RIC8B: variants seen among roughly 807,000 people sequenced by gnomAD.
RIC8B encodes the protein RIC8 guanine nucleotide exchange factor B.
In RIC8B, 16 loss-of-function variants were observed where a neutral mutation model predicts 57.5. The observed-to-expected ratio is 0.28, with a 90% CI of 0.19 to 0.42. The LOEUF (loss-of-function observed/expected upper bound fraction) is 0.42. Among genes scored for constraint, RIC8B ranks in the 10% least tolerant of loss-of-function variants. The pLI is 1.00. For synonymous variants in RIC8B, 216 were observed against 250.8 expected (o/e 0.86, Z 1.31); for missense variants, 481 against 677.0 (o/e 0.71, Z 3.21).
At chr12:106,778,191 C>T (rs1036204155) in intron 1 of RIC8B, among the ~76,000 whole-genome samples, 3 of 152,152 alleles carry the variant, frequency 2.0e-5, no homozygotes, top group African/African-American at 7.2e-5. Context: ...CCATTCTTCC[C>T]CTTCTTTTTC....
intron 3 of RIC8B, among the ~76,000 whole-genome samples, chr12:106,824,593 G>A (rs144661196): frequency 1.3e-5 from 2 of 152,164 alleles, no homozygotes; most frequent in Admixed American, 6.5e-5. Flanking sequence ...ACTTGAAATC[G>A]ATGATATATT....
chr12:106,846,489 G>A (rs986092107), intron 6 of RIC8B, among the ~76,000 whole-genome samples: 1 of 152,102 alleles, frequency 6.6e-6, no homozygotes, highest in African/African-American at 2.4e-5. Context: ...GGAATTTACA[G>A]TCTGTTGAAA....
At chr12:106,854,422 A>G (rs1566140644) in intron 7 of RIC8B, among the ~76,000 whole-genome samples, 1 of 152,190 alleles carries the variant, frequency 6.6e-6, no homozygotes. Flanking sequence ...ACCTTGATCA[A>G]GGCTCAAAGG....
intron 1 of RIC8B, among the ~76,000 whole-genome samples, chr12:106,777,892 G>A (rs1187938117): frequency 1.3e-5 from 2 of 152,140 alleles, no homozygotes; most frequent in Admixed American, 6.5e-5. Context: ...AGGTGTGGCC[G>A]GAGCACAGGT....
rs563163128 is a variant in RIC8B at position 106,867,193 on chromosome 12, T to C, written c.1452-3630T>C. On this transcript the variant is annotated intron_variant, in intron 8 of 9. Coordinates refer to ENST00000392837, the MANE Select transcript of RIC8B (RefSeq NM_001330145.2). The surrounding 1 kb of genome is among the most constrained non-coding windows in gnomAD (Gnocchi z 4.3). ...GACTTGAAATACAGTTCAGGTTTTATACCTGTGTTCATTTGTCCATACCTT... is the reference window on the plus strand; with the variant it reads ...GACTTGAAATACAGTTCAGGTTTTACACCTGTGTTCATTTGTCCATACCTT... 1.3e-5 allele frequency among the ~76,000 whole-genome samples: 2 copies of C among 152,366 alleles called. No individual in the cohort carries two copies. The highest frequency in any genetic ancestry group is 1.9e-4 in the East Asian group (1 of 5,196).
At chr12:106,774,895 G>T in intron 1 of RIC8B, 66 bp downstream of exon 1, 2 of 1,202,010 alleles carry the variant, frequency 1.7e-6, no homozygotes, top group Admixed American at 2.5e-5. Context: ...CTTGCACATC[G>T]CATCCTTCCC....
intron 2 of RIC8B, among the ~76,000 whole-genome samples, chr12:106,804,584 C>T (rs1396562712): frequency 6.6e-6 from 1 of 152,170 alleles, no homozygotes; most frequent in Admixed American, 6.5e-5. Context: ...GGAATCAAAT[C>T]CAGAGCTTTA....
In RIC8B at chr12:106,871,891, C is replaced by T. The variant is rs2136604850; in HGVS notation, c.1571+949C>T. 2.0e-5 allele frequency among the ~76,000 whole-genome samples: 3 copies of T among 152,280 alleles called. No individual in the cohort carries two copies. In the South Asian group the frequency reaches 6.2e-4, roughly 32 times the overall value. The stretch of plus-strand genomic sequence containing the variant: ...CACAGAAACGAGCAGAGATTAAGGG[C>T]ACAGCAGAGGCTTAGGGGTAGAAAT... On this transcript the variant is annotated intron_variant, in intron 9 of 9. Coordinates refer to ENST00000392837, the MANE Select transcript of RIC8B (RefSeq NM_001330145.2).
chr12:106,885,414 T>A (rs1345891723), intron 9 of RIC8B, among the ~76,000 whole-genome samples: 2 of 152,124 alleles, frequency 1.3e-5, no homozygotes, highest in Non-Finnish European at 2.9e-5. Flanking sequence ...AATCAACATG[T>A]ACTTACATAT....
At chr12:106,842,487 T>C (rs1948994912) in intron 4 of RIC8B, 102 bp from the exon 5 acceptor site, 5 of 878,624 alleles carry the variant, frequency 5.7e-6, no homozygotes. Context: ...AGAAATATTT[T>C]AATTGACTCT....
intron 1 of RIC8B, among the ~76,000 whole-genome samples, chr12:106,778,666 C>A (rs1012938676): frequency 1.3e-5 from 2 of 152,150 alleles, no homozygotes; most frequent in Admixed American, 1.3e-4. Context: ...AAATGGCAGA[C>A]CTGGTCTTCA....
At chr12:106,818,386 G>A (rs879346194) in intron 3 of RIC8B, among the ~76,000 whole-genome samples, 1 of 152,010 alleles carries the variant, frequency 6.6e-6, no homozygotes, top group Non-Finnish European at 1.5e-5. Context: ...GGCTGGTCTT[G>A]AACTCCTGAC....
At chr12:106,806,277 G>A (rs917194716) in intron 2 of RIC8B, among the ~76,000 whole-genome samples, 2 of 152,136 alleles carry the variant, frequency 1.3e-5, no homozygotes, top group Non-Finnish European at 2.9e-5. Context: ...GGCCATTTGT[G>A]CTCTAGCATT....
intron 2 of RIC8B, among the ~76,000 whole-genome samples, chr12:106,789,645 G>A (rs532336681): frequency 9.9e-5 from 15 of 151,982 alleles, no homozygotes; most frequent in East Asian, 7.7e-4. Context: ...GGGGGAAACC[G>A]CCCCCATGAT....
intron 3 of RIC8B, among the ~76,000 whole-genome samples, chr12:106,815,715 T>C (rs2045545711): frequency 6.6e-6 from 1 of 152,182 alleles, no homozygotes; most frequent in South Asian, 2.1e-4. Context: ...CCAATTGAAG[T>C]TGATCAATCA....
intron 2 of RIC8B, among the ~76,000 whole-genome samples, chr12:106,802,626 A>C (rs1408727743): frequency 6.6e-6 from 1 of 150,558 alleles, no homozygotes; most frequent in African/African-American, 2.4e-5. Context: ...TGTTCTTAGA[A>C]ATTCCCTTCA....
chr12:106,839,832 A>G (rs1232861089), intron 4 of RIC8B, among the ~76,000 whole-genome samples: 2 of 152,184 alleles, frequency 1.3e-5, no homozygotes, highest in Non-Finnish European at 2.9e-5. Context: ...CTTGGGGAGC[A>G]TAGTGAGACC....
At chr12:106,775,462 G>T (rs1169325807) in intron 1 of RIC8B, 5 of 422,584 alleles carry the variant, frequency 1.2e-5, no homozygotes, top group African/African-American at 4.1e-5. Context: ...AATGATACCT[G>T]TTATTTGTAT....
At chr12:106,837,795 G>C (rs2136394193) in intron 4 of RIC8B, among the ~76,000 whole-genome samples, 1 of 152,020 alleles carries the variant, frequency 6.6e-6, no homozygotes, top group African/African-American at 2.4e-5. Flanking sequence ...GCACGCGCCA[G>C]CATGCCTGGC....
Sources: gnomAD v4.1 joint callset for allele counts (sites outside exome capture counted in the v4.1 genomes callset) on GRCh38, gnomAD v4.1.1 for gene constraint, Gnocchi (gnomAD v3.1) non-coding constraint, MANE v1.5 for transcripts, NCBI Gene and HGNC (gene_info 2026-07-23, HGNC 2026-07-21) for gene names.